The following NSMAF variants were observed in gnomAD, a reference collection of about 807,000 sequenced individuals.
The protein encoded by NSMAF is protein FAN.
A neutral mutation model predicts 134.9 loss-of-function variants in NSMAF; 90 were observed. The ratio of observed to expected loss-of-function variants is 0.67; its 90% CI spans 0.56 to 0.79. The LOEUF (loss-of-function observed/expected upper bound fraction) is 0.79. Among genes scored for constraint, NSMAF ranks in the 30% least tolerant of loss-of-function variants. NSMAF has a pLI of 0.00. For synonymous variants in NSMAF, 358 were observed against 389.6 expected, an observed-to-expected ratio of 0.92 and a Z score of 0.96; for missense variants, 1,010 against 1,119.0, an observed-to-expected ratio of 0.90 and a Z score of 1.39.
At chr8:58,602,656 A>G (rs1806311588) in intron 13 of NSMAF, among the ~76,000 whole-genome samples, 1 of 152,210 alleles carries the variant, frequency 6.6e-6, no homozygotes, top group Non-Finnish European at 1.5e-5. Flanking sequence ...TTCACAATAT[A>G]TAATTTTTAA....
rs1429382221 is a variant in NSMAF, at chr8:58,659,748, G to A, written c.-117C>T. 2 of 780,848 alleles carry A rather than the reference G, an allele frequency of 2.6e-6. No individual in the cohort carries two copies. The highest frequency in any genetic ancestry group is 3.7e-5 in the East Asian group (1 of 26,772). The allele number at this position is 780,848 out of a possible 1,614,324, so 48.4% of individuals were successfully genotyped here. On this transcript the variant is annotated 5_prime_UTR_variant, in exon 1 of 31. Transcript: ENST00000038176. ...GTGGCCGGCTGGGGAGCGCGCGGCTGCCGGCCTGGCTTCCCCTGCGGCGCC... is the reference window on the plus strand; with the variant it reads ...GTGGCCGGCTGGGGAGCGCGCGGCTACCGGCCTGGCTTCCCCTGCGGCGCC...
chr8:58,601,498 T>A lies in NSMAF; in HGVS notation c.1163A>T (p.Tyr388Phe). 1 of 1,608,724 alleles carries A rather than the reference T, an allele frequency of 6.2e-7. No individual in the cohort carries two copies. The highest frequency in any genetic ancestry group is 8.5e-7 in the Non-Finnish European group (1 of 1,178,992). ...ACCCGGGGAAGAGTAGTGACTCCCATACATGAACTTTGGTTCAGGCATTTC... is the reference window on the plus strand; with the variant it reads ...ACCCGGGGAAGAGTAGTGACTCCCAAACATGAACTTTGGTTCAGGCATTTC... ...YQEMPEPKFM[Y>F]GSHYSSPGYV... Residue 388 changes from tyrosine (Y) to phenylalanine (F), a missense_variant, in exon 15 of 31, where the codon TAT (tyrosine) becomes TTT (phenylalanine). Physicochemically the swap from Tyr to Phe is conservative, Grantham distance 22. Coordinates refer to ENST00000038176, the MANE Select transcript of NSMAF (RefSeq NM_003580.4).
intron 16 of NSMAF, chr8:58,601,030 C>A: frequency 3.2e-6 from 1 of 315,992 alleles, no homozygotes; most frequent in African/African-American, 2.2e-5. Context: ...TGAAGAATAT[C>A]TAATAATATG....
chr8:58,605,934 T>G lies in NSMAF; in HGVS notation c.861A>C (p.Thr287=), dbSNP rs1450621704. The G allele has an allele frequency of 1.3e-6, 2 of 1,569,730 alleles. No homozygotes were observed. Among genetic ancestry groups the G allele is most frequent in the Non-Finnish European group, 1.7e-6 (2 of 1,164,492 alleles). The part of the protein sequence containing the change: ...DRDDLYFYIA[T]YLEHHVAEHT... ...GAAGGGTGAGCGCCAAACCTAGGTA[T>G]GTGGCAATGTAAAAATAGAGATCAT... The change falls in exon 12 of 31, where the codon ACA becomes ACC. Residue 287 remains threonine, a synonymous_variant. Coordinates refer to ENST00000038176, the MANE Select transcript of NSMAF (RefSeq NM_003580.4).
At chr8:58,633,318 C>A (rs1032909016) in intron 5 of NSMAF, among the ~76,000 whole-genome samples, 1 of 152,222 alleles carries the variant, frequency 6.6e-6, no homozygotes, top group African/African-American at 2.4e-5. Context: ...GCTTCTCCCC[C>A]ACCACTCTCT....
In NSMAF at chr8:58,605,824, G is replaced by C. The variant is rs554408596; in HGVS notation, c.868+103C>G. ...GAACCCAGGAGGCGGAGGTTGCAGTGAGCCGAGATCACGCCACTGCACTCC... is the reference window on the plus strand; with the variant it reads ...GAACCCAGGAGGCGGAGGTTGCAGTCAGCCGAGATCACGCCACTGCACTCC... On this transcript the variant is annotated intron_variant, in intron 12 of 30. Transcript: ENST00000038176. The C allele has an allele frequency of 3.5e-5, 43 of 1,238,608 alleles. No homozygotes were observed. In the South Asian group the frequency reaches 5.5e-4, roughly 16 times the overall value. 76.7% of individuals were successfully genotyped at this position (1,238,608 alleles called of 1,614,324 possible).
chr8:58,586,513 T>C lies in NSMAF; in HGVS notation c.2391A>G (p.Leu797=), dbSNP rs757125055. 3 of 1,613,280 alleles carry C rather than the reference T, an allele frequency of 1.9e-6. No individual in the cohort carries two copies. Among genetic ancestry groups the C allele is most frequent in the Non-Finnish European group, 2.5e-6 (3 of 1,179,992 alleles). Residue 797 remains leucine, a synonymous_variant, in exon 28 of 31, where the codon TTA becomes TTG. Coordinates refer to ENST00000038176, the MANE Select transcript of NSMAF (RefSeq NM_003580.4). ...VNIWDLTTAT[L]MHQIPCHSGI... Reference sequence around the variant, plus strand: ...CTGAATGGCATGGAATCTGGTGCATTAAGGTGGCCGTTGTGAGGTCCCAAA... The same window carrying C: ...CTGAATGGCATGGAATCTGGTGCATCAAGGTGGCCGTTGTGAGGTCCCAAA...
intron 9 of NSMAF, among the ~76,000 whole-genome samples, chr8:58,617,857 C>A (rs1806697592): frequency 6.6e-6 from 1 of 152,176 alleles, no homozygotes; most frequent in South Asian, 2.1e-4. Flanking sequence ...AAGACACATG[C>A]ACATGTACGT....
intron 1 of NSMAF, among the ~76,000 whole-genome samples, chr8:58,651,978 G>C (rs1284520179): frequency 6.6e-6 from 1 of 152,140 alleles, no homozygotes; most frequent in Non-Finnish European, 1.5e-5. Context: ...TAAACTTCAA[G>C]GATACCATAA....
intron 9 of NSMAF, among the ~76,000 whole-genome samples, chr8:58,612,149 T>C (rs1157172424): frequency 6.6e-6 from 1 of 152,204 alleles, no homozygotes; most frequent in Non-Finnish European, 1.5e-5. Flanking sequence ...CAACTGTGTA[T>C]GGGATCCTGG....
At chr8:58,592,361 T>C (rs1386100185) in intron 23 of NSMAF, among the ~76,000 whole-genome samples, 1 of 152,152 alleles carries the variant, frequency 6.6e-6, no homozygotes, top group African/African-American at 2.4e-5. Context: ...ACGTTTTTCT[T>C]GAAATCAAGG....
At position 58,619,082 on chromosome 8, in the gene NSMAF, C is replaced by A. The variant is rs192788536; in HGVS notation, c.557+4138G>T. Among the ~76,000 whole-genome samples, 55 of 152,264 alleles carry A rather than the reference C, an allele frequency of 3.6e-4. No homozygotes were observed. The East Asian group carries it at 3.9e-3, about 11-fold the overall frequency. On this transcript the variant is annotated intron_variant, in intron 9 of 30. Transcript: ENST00000038176. Reference sequence around the variant, plus strand: ...AGTAGGTCAGAAGAAGCTAATTCTTCTTATTATTATTCCCTTTCCTTTCTA... The same window carrying A: ...AGTAGGTCAGAAGAAGCTAATTCTTATTATTATTATTCCCTTTCCTTTCTA...
chr8:58,654,693 A>T (rs1225706932), intron 1 of NSMAF, among the ~76,000 whole-genome samples: 4 of 152,260 alleles, frequency 2.6e-5, no homozygotes, highest in Admixed American at 1.3e-4. Context: ...AGAATTCAAG[A>T]TCACTAATTT....
At chr8:58,591,078 C>T in intron 23 of NSMAF, 144 bp from the exon 24 acceptor site, 2 of 964,618 alleles carry the variant, frequency 2.1e-6, no homozygotes, top group Non-Finnish European at 2.9e-6. Flanking sequence ...CGAATGTAAA[C>T]AGAGCTAGAT....
chr8:58,586,719 G>A, intron 27 of NSMAF, 111 bp from the exon 28 acceptor site: 1 of 830,528 alleles, frequency 1.2e-6, no homozygotes, highest in Non-Finnish European at 1.9e-6. Context: ...AAACTCTATT[G>A]TGCAGTATGC....
chr8:58,601,319 C>T lies in NSMAF; in HGVS notation c.1246G>A (p.Gly416Arg). 1 of 1,613,936 alleles carries T rather than the reference C, an allele frequency of 6.2e-7. No individual in the cohort carries two copies. Among genetic ancestry groups the T allele is most frequent in the Non-Finnish European group, 8.5e-7 (1 of 1,179,908 alleles). Reference protein sequence around the residue: ...APEYMLCLQNGRFDNADRMFN... With the variant: ...APEYMLCLQNRRFDNADRMFN... ...ATTCTATCTGCATTATCAAATCTTC[C>T]ATTCTGCAGGCACAGCATATACTCT... The change falls in exon 16 of 31, where the codon GGA becomes AGA. Residue 416 changes from glycine (G) to arginine (R), a missense_variant. By Grantham distance (125) the Gly-to-Arg change is moderately radical (BLOSUM62 -2). Transcript: ENST00000038176.
intron 2 of NSMAF, chr8:58,637,536 T>C (rs576753826): frequency 5.8e-4 from 191 of 331,754 alleles, no homozygotes; most frequent in South Asian, 4.5e-3. Flanking sequence ...GGCATCCAAA[T>C]TGGAAAAGTT....
At chr8:58,584,449 G>A (rs930327374) in intron 30 of NSMAF, among the ~76,000 whole-genome samples, 2 of 152,144 alleles carry the variant, frequency 1.3e-5, no homozygotes, top group East Asian at 1.9e-4. Context: ...TGGGAATTAT[G>A]GATATAGAAC....
chr8:58,594,389 T>G (rs976433158), intron 22 of NSMAF, 99 bp from the exon 23 acceptor site: 2 of 1,139,496 alleles, frequency 1.8e-6, no homozygotes, highest in African/African-American at 1.5e-5. Context: ...TTTCCTTAAT[T>G]TTTTTCTTCA....
Sources: allele counts gnomAD v4.1 joint callset (sites outside exome capture counted in the v4.1 genomes callset), GRCh38; gene constraint gnomAD v4.1.1; transcripts MANE v1.5; gene names NCBI Gene and HGNC (gene_info 2026-07-23, HGNC 2026-07-21).